DOCK9: variants seen among roughly 807,000 people sequenced by gnomAD.
DOCK9 encodes dedicator of cytokinesis protein 9.
A neutral mutation model predicts 263.3 loss-of-function variants in DOCK9; 89 were observed. The observed-to-expected ratio is 0.34, with a 90% CI of 0.28 to 0.40. The LOEUF is 0.40. Ranked by LOEUF, DOCK9 falls within the 10% of genes least tolerant of loss-of-function variation. The pLI, the probability that DOCK9 is intolerant of heterozygous loss-of-function variation, is 1.00. For missense variants in DOCK9, 2,140 were observed against 2,603.4 expected, an observed-to-expected ratio of 0.82 and a Z score of 3.87; for synonymous variants, 976 against 973.1, an observed-to-expected ratio of 1.00 and a Z score of -0.06.
chr13:98,920,891 A>C, intron 7 of DOCK9, 63 bp downstream of exon 7: 1 of 1,457,478 alleles, frequency 6.9e-7, no homozygotes, highest in Non-Finnish European at 9.2e-7. Flanking sequence ...TAAATCTGCT[A>C]ATTTACACAT....
intron 1 of DOCK9, among the ~76,000 whole-genome samples, chr13:99,030,346 T>C (rs962600928): frequency 5.3e-5 from 8 of 152,174 alleles, no homozygotes; most frequent in Non-Finnish European, 8.8e-5. Context: ...CATACAAAAA[T>C]GGAACATTTG....
At chr13:98,907,451 C>A (rs2139655655) in intron 9 of DOCK9, among the ~76,000 whole-genome samples, 1 of 152,178 alleles carries the variant, frequency 6.6e-6, no homozygotes, top group East Asian at 1.9e-4. Context: ...TGCTAATGAG[C>A]TCGGTATAAT....
intron 1 of DOCK9, among the ~76,000 whole-genome samples, chr13:99,055,203 A>G (rs770225636): frequency 2.0e-5 from 3 of 152,248 alleles, no homozygotes; most frequent in Non-Finnish European, 2.9e-5. Context: ...GACTTTTCAT[A>G]TAAGTCTGAA....
intron 30 of DOCK9, among the ~76,000 whole-genome samples, chr13:98,865,208 A>G (rs2093987864): frequency 6.6e-6 from 1 of 152,112 alleles, no homozygotes; most frequent in Non-Finnish European, 1.5e-5. Context: ...CTGAGGCTAC[A>G]GATGTGTACC....
intron 1 of DOCK9, among the ~76,000 whole-genome samples, chr13:99,058,637 C>T (rs2041040375): frequency 6.6e-6 from 1 of 152,136 alleles, no homozygotes; most frequent in African/African-American, 2.4e-5. Context: ...CCAAGGGTTC[C>T]CCCCATCCAC....
At chr13:99,055,598 A>G (rs1476638449) in intron 1 of DOCK9, among the ~76,000 whole-genome samples, 1 of 152,162 alleles carries the variant, frequency 6.6e-6, no homozygotes, top group African/African-American at 2.4e-5. Flanking sequence ...TGGAATGTGG[A>G]TTGGGATTTT....
chr13:99,033,821 G>C (rs1887591414), intron 1 of DOCK9, among the ~76,000 whole-genome samples: 1 of 152,170 alleles, frequency 6.6e-6, no homozygotes, highest in African/African-American at 2.4e-5. Flanking sequence ...TTTTCTGTCA[G>C]GTCCCAGAAG....
upstream of DOCK9, among the ~76,000 whole-genome samples, chr13:99,086,840 C>T (rs2042359180): frequency 6.6e-6 from 1 of 150,796 alleles, no homozygotes; most frequent in Non-Finnish European, 1.5e-5. Context: ...GCGGGACCCT[C>T]ACTGGGGAAG....
intron 37 of DOCK9, chr13:98,846,908 T>C (rs1328524275): frequency 3.1e-6 from 1 of 318,950 alleles, no homozygotes; most frequent in Non-Finnish European, 6.1e-6. Context: ...AATTTTTGTA[T>C]AGAGCAGAGC....
intron 1 of DOCK9, among the ~76,000 whole-genome samples, chr13:98,996,732 T>C (rs1252973322): frequency 1.3e-5 from 2 of 152,244 alleles, no homozygotes; most frequent in Admixed American, 6.5e-5. Flanking sequence ...ATTTTATGTG[T>C]GGCCCAGGAC....
chr13:99,016,607 C>T (rs920126278), intron 1 of DOCK9, among the ~76,000 whole-genome samples: 3 of 152,224 alleles, frequency 2.0e-5, no homozygotes, highest in African/African-American at 7.2e-5. Context: ...AACTCAGTGA[C>T]ACTACACTAC....
chr13:99,061,445 C>T (rs17724644), intron 1 of DOCK9, among the ~76,000 whole-genome samples: 33,372 of 152,194 alleles, frequency 0.22, 3,665 homozygotes, highest in Middle Eastern at 0.31. Context: ...AGCACTCCCT[C>T]GCCTTGACTA....
intron 1 of DOCK9, among the ~76,000 whole-genome samples, chr13:98,992,797 G>A (rs1880120975): frequency 6.6e-6 from 1 of 152,194 alleles, no homozygotes; most frequent in Non-Finnish European, 1.5e-5. Context: ...GCATGAGAAT[G>A]GACTAATACA....
chr13:99,065,884 G>A (rs1429504816), intron 1 of DOCK9, among the ~76,000 whole-genome samples: 3 of 152,160 alleles, frequency 2.0e-5, no homozygotes, highest in African/African-American at 7.2e-5. Context: ...CAACAAATGT[G>A]TTTGGACTCA....
Position 99,035,630 on chromosome 13 carries a change from A to T in DOCK9, c.129+50593T>A, listed in dbSNP as rs186665158. On this transcript the variant is annotated intron_variant, in intron 1 of 32. Coordinates refer to the DOCK9 transcript ENST00000427887. ...AAGGAGCCTGGGACCCCAAAATGGT[A>T]GAGTCATCAATCAACCCTGAACTGT... is the stretch of plus-strand genomic sequence containing the variant. Among the ~76,000 whole-genome samples the T allele has an allele frequency of 5.9e-5, 9 of 152,350 alleles. No individual in the cohort carries two copies. The East Asian group carries it at 1.7e-3, about 29-fold the overall frequency.
chr13:98,943,846 G>A (rs2056321325), intron 2 of DOCK9, among the ~76,000 whole-genome samples: 1 of 143,764 alleles, frequency 7.0e-6, no homozygotes, highest in Admixed American at 6.9e-5. Context: ...ATAATAAAGA[G>A]GGATAGGGGA....
chr13:98,914,017 T>C (rs1381869073), intron 9 of DOCK9, among the ~76,000 whole-genome samples: 1 of 152,186 alleles, frequency 6.6e-6, no homozygotes, highest in Non-Finnish European at 1.5e-5. Flanking sequence ...AGTACGATGC[T>C]ATTATGAGAA....
intron 2 of DOCK9, among the ~76,000 whole-genome samples, chr13:98,947,969 CA>C (rs1405268811): frequency 6.6e-6 from 1 of 152,060 alleles, no homozygotes; most frequent in Non-Finnish European, 1.5e-5. Flanking sequence ...AATAAAAAGC[CA>C]AAAACAAAGT....
intron 10 of DOCK9, among the ~76,000 whole-genome samples, chr13:98,903,606 AAAAAAAAAAAAAAGAC>A (rs1024611842): frequency 9.3e-5 from 9 of 96,316 alleles, no homozygotes; most frequent in Admixed American, 2.2e-4. Context: ...CCTCAAAAAA[AAAAAAAAAAAAAAGAC>A]AAAAAAAAAA....
Sources: gnomAD v4.1 joint callset for allele counts (sites outside exome capture counted in the v4.1 genomes callset) on GRCh38, gnomAD v4.1.1 for gene constraint, MANE v1.5 for transcripts, NCBI Gene and HGNC (gene_info 2026-07-23, HGNC 2026-07-21) for gene names.